The following DISC1 variants were observed in gnomAD, a reference collection of about 807,000 sequenced individuals.
DISC1 encodes disrupted in schizophrenia 1 protein.
Under a neutral mutation model 84.5 loss-of-function variants are expected in DISC1, and 57 were observed. The observed-to-expected ratio is 0.67, with a 90% CI of 0.55 to 0.84. DISC1 has a LOEUF of 0.84. Among genes scored for constraint, DISC1 ranks in the 40% least tolerant of loss-of-function variants. The pLI is 0.00. For synonymous variants in DISC1, 411 were observed against 415.2 expected, an observed-to-expected ratio of 0.99 and a Z score of 0.12; for missense variants, 1,000 against 1,057.8, an observed-to-expected ratio of 0.95 and a Z score of 0.76.
At chr1:231,907,137 CT>C (rs1476285262) in intron 9 of DISC1, among the ~76,000 whole-genome samples, 17 of 74,682 alleles carry the variant, frequency 2.3e-4, no homozygotes, top group South Asian at 4.8e-4. Context: ...CTTCCTCTTT[CT>C]TTCTTTCTTT....
At chr1:231,880,815 A>C (rs911927124) in intron 9 of DISC1, among the ~76,000 whole-genome samples, 3 of 152,058 alleles carry the variant, frequency 2.0e-5, no homozygotes, top group Non-Finnish European at 4.4e-5. Context: ...GTCAGCTCCT[A>C]AGGGATCCCT....
intron 11 of DISC1, among the ~76,000 whole-genome samples, chr1:232,022,134 C>T (rs1669017490): frequency 6.6e-6 from 1 of 152,062 alleles, no homozygotes; most frequent in Non-Finnish European, 1.5e-5. Context: ...AAGTAATAAA[C>T]TCTGTTTTTT....
intron 1 of DISC1, among the ~76,000 whole-genome samples, chr1:231,633,496 A>G (rs2058919122): frequency 6.6e-6 from 1 of 152,166 alleles, no homozygotes; most frequent in Non-Finnish European, 1.5e-5. Flanking sequence ...GATTTGAGCT[A>G]CTGTGTAAAT....
intron 3 of DISC1, among the ~76,000 whole-genome samples, chr1:231,712,843 G>A (rs984979109): frequency 3.9e-5 from 6 of 152,206 alleles, no homozygotes; most frequent in African/African-American, 1.2e-4. Context: ...AAAGATTACT[G>A]GTTGAGGTGT....
In DISC1 at chr1:231,954,540, G is replaced by A. The variant is rs1659069504; in HGVS notation, c.1982-4288G>A. On this transcript the variant is annotated intron_variant, in intron 9 of 12. Coordinates refer to ENST00000439617, the MANE Select transcript of DISC1 (RefSeq NM_018662.3). This position sits in a 1 kb window ranked among gnomAD's most constrained non-coding sequence, Gnocchi z 4.8. ...CTGCTTCTTCCTGATCAGGAAGGGGGTCTGCAGTCCTCTGGTCTTGTTTGT... is the reference window on the plus strand; with the variant it reads ...CTGCTTCTTCCTGATCAGGAAGGGGATCTGCAGTCCTCTGGTCTTGTTTGT... Among the ~76,000 whole-genome samples, 1 of 152,118 alleles carries A rather than the reference G, an allele frequency of 6.6e-6. No homozygotes were observed.
chr1:231,781,985 G>A (rs573758344), intron 6 of DISC1, among the ~76,000 whole-genome samples: 1 of 152,314 alleles, frequency 6.6e-6, no homozygotes, highest in East Asian at 1.9e-4. Context: ...CTGTGGAAGG[G>A]TGATTAATCT....
chr1:231,695,135 G>A (rs2065479565), intron 2 of DISC1, among the ~76,000 whole-genome samples: 1 of 152,220 alleles, frequency 6.6e-6, no homozygotes, highest in African/African-American at 2.4e-5. Context: ...GGGCAGGGGA[G>A]ATTGAGCTGG....
intron 11 of DISC1, among the ~76,000 whole-genome samples, chr1:232,012,131 A>G (rs1430857918): frequency 6.6e-6 from 1 of 150,712 alleles, no homozygotes; most frequent in Non-Finnish European, 1.5e-5. Flanking sequence ...CATCTCTAAA[A>G]TGCTTTTTGC....
chr1:231,953,714 CTTAATG>C (rs1466434437), intron 9 of DISC1, among the ~76,000 whole-genome samples: 3 of 152,210 alleles, frequency 2.0e-5, no homozygotes, highest in African/African-American at 7.2e-5. Context: ...TCACTTGGTA[CTTAATG>C]TTAATTTAGA....
intron 3 of DISC1, among the ~76,000 whole-genome samples, chr1:231,706,946 G>C (rs1408786999): frequency 6.6e-6 from 1 of 152,104 alleles, no homozygotes; most frequent in Non-Finnish European, 1.5e-5. Flanking sequence ...CATAGGGTTT[G>C]GTGTCTCAGT....
intron 9 of DISC1, among the ~76,000 whole-genome samples, chr1:231,941,561 C>T (rs956174745): frequency 1.3e-5 from 2 of 151,844 alleles, no homozygotes; most frequent in African/African-American, 4.8e-5. Flanking sequence ...CAACCTCTGC[C>T]TCCTGGGTTC....
At chr1:231,641,535 G>A (rs1241044106) in intron 1 of DISC1, among the ~76,000 whole-genome samples, 2 of 152,170 alleles carry the variant, frequency 1.3e-5, no homozygotes, top group South Asian at 2.1e-4. Context: ...AAGGTTTGTT[G>A]CAAACAGCGA....
Position 231,742,769 on chromosome 1 carries a change from G to A in DISC1, c.1118-7157G>A, listed in dbSNP as rs1009668777. ...CAAAAATAAAAATAAAAAAAGCTAG[G>A]TGTGGTGGCACATGCCAGTAGTCCC... On this transcript the variant is annotated intron_variant, in intron 3 of 12. Transcript: ENST00000439617. Among the ~76,000 whole-genome samples, 19 of 146,018 alleles carry A rather than the reference G, an allele frequency of 1.3e-4. No individual in the cohort carries two copies. In the East Asian group the frequency reaches 3.2e-3, roughly 25 times the overall value.
At chr1:231,722,870 G>A in intron 3 of DISC1, 8 of 1,389,546 alleles carry the variant, frequency 5.8e-6, no homozygotes, top group South Asian at 1.6e-5. Flanking sequence ...CCCTGTCATG[G>A]CATGAAAAAA....
At chr1:231,916,467 AAG>A (rs1179511398) in intron 9 of DISC1, among the ~76,000 whole-genome samples, 1 of 151,846 alleles carries the variant, frequency 6.6e-6, no homozygotes, top group Non-Finnish European at 1.5e-5. Context: ...ATCCCGGCTA[AAG>A]CGGTGAAACC....
At chr1:231,817,330 C>G (rs1173757856) in intron 8 of DISC1, among the ~76,000 whole-genome samples, 1 of 152,166 alleles carries the variant, frequency 6.6e-6, no homozygotes, top group African/African-American at 2.4e-5. Flanking sequence ...AGGGACCCAC[C>G]ACCTCGGCCT....
chr1:231,954,763 T>C lies in DISC1; in HGVS notation c.1982-4065T>C, dbSNP rs371795211. On this transcript the variant is annotated intron_variant, in intron 9 of 12. Transcript: ENST00000439617. This position sits in a 1 kb window ranked among gnomAD's most constrained non-coding sequence, Gnocchi z 4.8. ...CTCCGTCAGCGTGTCTGTGGCTGTATTGATTCGGAAGTTTAAAATCTAAAC... is the reference window on the plus strand; with the variant it reads ...CTCCGTCAGCGTGTCTGTGGCTGTACTGATTCGGAAGTTTAAAATCTAAAC... Among the ~76,000 whole-genome samples, 49 of 152,338 alleles carry C rather than the reference T, an allele frequency of 3.2e-4. No individual in the cohort carries two copies. The East Asian group carries it at 9.3e-3, about 29-fold the overall frequency.
At chr1:231,742,603 T>A (rs957528376) in intron 3 of DISC1, among the ~76,000 whole-genome samples, 1 of 151,372 alleles carries the variant, frequency 6.6e-6, no homozygotes, top group Non-Finnish European at 1.5e-5. Context: ...CAAAACCCCA[T>A]CTCTGAAAAA....
chr1:231,779,666 T>TCTCCTG (rs746619600), intron 6 of DISC1, among the ~76,000 whole-genome samples: 21 of 149,474 alleles, frequency 1.4e-4, no homozygotes, highest in Non-Finnish European at 3.0e-4. Context: ...TTCACGCCAT[T>TCTCCTG]CTCCTGCCTC....
Sources: gnomAD v4.1 joint callset for allele counts (sites outside exome capture counted in the v4.1 genomes callset) on GRCh38, gnomAD v4.1.1 for gene constraint, Gnocchi (gnomAD v3.1) non-coding constraint, MANE v1.5 for transcripts, NCBI Gene and HGNC (gene_info 2026-07-23, HGNC 2026-07-21) for gene names.